CNTNAP3: variants seen among roughly 807,000 people sequenced by gnomAD.
CNTNAP3 encodes the protein contactin associated protein family member 3.
CNTNAP3 carries 36 observed loss-of-function variants against 92.1 expected under a neutral mutation model. That is an observed-to-expected ratio of 0.39 (90% CI 0.30 to 0.52). The LOEUF (loss-of-function observed/expected upper bound fraction) is 0.52. Ranked by LOEUF, CNTNAP3 falls within the 20% of genes least tolerant of loss-of-function variation. The pLI, the probability that CNTNAP3 is intolerant of heterozygous loss-of-function variation, is 0.76. For missense variants in CNTNAP3, 534 were observed against 1,069.6 expected (o/e 0.50, Z 6.98); for synonymous variants, 232 against 422.3 (o/e 0.55, Z 5.53).
intron 11 of CNTNAP3, among the ~76,000 whole-genome samples, chr9:39,142,845 G>C (rs1239756210): frequency 6.6e-6 from 1 of 152,094 alleles, no homozygotes; most frequent in African/African-American, 2.4e-5. Context: ...TTCCATGTAT[G>C]AACTGTGGTT....
intron 3 of CNTNAP3, among the ~76,000 whole-genome samples, chr9:39,214,100 A>G (rs1822630958): frequency 1.5e-5 from 1 of 65,470 alleles, no homozygotes; most frequent in African/African-American, 3.1e-5. Context: ...ATTAATAAGG[A>G]CATTAAGGAA....
intron 9 of CNTNAP3, among the ~76,000 whole-genome samples, chr9:39,151,276 T>C (rs1821836217): frequency 6.9e-6 from 1 of 144,896 alleles, no homozygotes; most frequent in Non-Finnish European, 1.5e-5. Flanking sequence ...AAAGCAGGGC[T>C]GGGCGCGGTG....
Position 39,137,886 on chromosome 9 carries a change from G to A in CNTNAP3, c.1876+2633C>T, listed in dbSNP as rs569291841. Among the ~76,000 whole-genome samples the A allele has an allele frequency of 6.8e-4, 104 of 151,926 alleles. 1 individual carries two copies. The highest frequency in any genetic ancestry group is 2.5e-3 in the African/African-American group (103 of 41,442). ...TTCTTTTTCTTTTTTTGGAGACAAG[G>A]TCTTTCTCTGTTGCCCAGGCTAGAG... On this transcript the variant is annotated intron_variant, in intron 12 of 23. Transcript: ENST00000297668.
intron 18 of CNTNAP3, 131 bp from the exon 19 acceptor site, chr9:39,088,778 G>A: frequency 1.1e-6 from 1 of 951,752 alleles, no homozygotes; most frequent in South Asian, 1.6e-5. Flanking sequence ...ATCCTTTCCT[G>A]TTTTTTTATT....
At chr9:39,148,467 A>G (rs1337709250) in intron 10 of CNTNAP3, among the ~76,000 whole-genome samples, 2 of 152,020 alleles carry the variant, frequency 1.3e-5, no homozygotes, top group African/African-American at 4.8e-5. Context: ...AGAATTGACT[A>G]ACTGAATTTA....
chr9:39,071,570 T>C lies in CNTNAP3; in HGVS notation c.*2320A>G, dbSNP rs1012327996. 2.0e-5 allele frequency among the ~76,000 whole-genome samples: 3 copies of C among 152,086 alleles called. No homozygotes were observed. The highest frequency in any genetic ancestry group is 4.4e-5 in the Non-Finnish European group (3 of 67,970). ...AAAAGTTGGGAAATTATTATGCTTTTACTTTTATGTTACAAAAGGGTGTTA... is the reference window on the plus strand; with the variant it reads ...AAAAGTTGGGAAATTATTATGCTTTCACTTTTATGTTACAAAAGGGTGTTA... On this transcript the variant is annotated 3_prime_UTR_variant, in exon 24 of 24. Coordinates refer to ENST00000297668, the MANE Select transcript of CNTNAP3 (RefSeq NM_033655.5).
chr9:39,179,286 T>TACACACACAC (rs4057871), intron 4 of CNTNAP3, among the ~76,000 whole-genome samples: 2,820 of 80,700 alleles, frequency 0.035, 158 homozygotes, highest in Middle Eastern at 0.062. Context: ...TCTCTCTCTC[T>TACACACACAC]ACACACACAC....
At chr9:39,136,560 T>G (rs1440025567) in intron 12 of CNTNAP3, among the ~76,000 whole-genome samples, 1 of 152,166 alleles carries the variant, frequency 6.6e-6, no homozygotes, top group Non-Finnish European at 1.5e-5. Context: ...AATACTTATC[T>G]CCTATGTAGG....
At chr9:39,088,788 T>C in intron 18 of CNTNAP3, 141 bp from the exon 19 acceptor site, 1 of 932,988 alleles carries the variant, frequency 1.1e-6, no homozygotes, top group Non-Finnish European at 1.6e-6. Flanking sequence ...GTTTTTTTAT[T>C]TTTCACTTTT....
At chr9:39,118,438 GT>G (rs1820914321) in intron 13 of CNTNAP3, among the ~76,000 whole-genome samples, 179 bp from the exon 14 acceptor site, 1 of 152,026 alleles carries the variant, frequency 6.6e-6, no homozygotes, top group Non-Finnish European at 1.5e-5. Flanking sequence ...CCTAACCAAT[GT>G]TTTTCCCCCA....
chr9:39,091,204 A>G (rs1396893581), intron 18 of CNTNAP3, among the ~76,000 whole-genome samples: 1 of 147,650 alleles, frequency 6.8e-6, no homozygotes, highest in Non-Finnish European at 1.5e-5. Flanking sequence ...TTGCCTAATC[A>G]GTCTGGCCTG....
chr9:39,068,877 T>C lies in CNTNAP3; in HGVS notation c.*5013A>G, dbSNP rs1364993697. ...ATTCCGTGCCTCATGTCCAGTGTAC[T>C]GAAAACCATAGTTTCATATATTTTG... On this transcript the variant is annotated 3_prime_UTR_variant, in exon 24 of 24. Transcript: ENST00000297668. Among the ~76,000 whole-genome samples the C allele has an allele frequency of 6.6e-6, 1 of 152,270 alleles. No individual in the cohort carries two copies.
chr9:39,206,601 C>CTCCTGAGGACAACCGACTCAGA (rs1473639297), intron 3 of CNTNAP3, among the ~76,000 whole-genome samples: 2 of 26,158 alleles, frequency 7.6e-5, no homozygotes, highest in Non-Finnish European at 2.1e-4. Context: ...AGACTTTACA[C>CTCCTGAGGACAACCGACTCAGA]GACTCCTGAG....
intron 10 of CNTNAP3, among the ~76,000 whole-genome samples, chr9:39,149,356 G>GT (rs776205980): frequency 0.025 from 3,696 of 145,462 alleles, 57 homozygotes; most frequent in East Asian, 0.11. Context: ...TTTTGTTTTT[G>GT]TTTTTTTTTT....
chr9:39,148,223 T>C (rs369587811), intron 10 of CNTNAP3, among the ~76,000 whole-genome samples: 14 of 152,112 alleles, frequency 9.2e-5, no homozygotes, highest in African/African-American at 2.9e-4. Context: ...GAATGAGAGG[T>C]ACTTGACAAA....
At chr9:39,106,002 C>T (rs373447670) in intron 15 of CNTNAP3, among the ~76,000 whole-genome samples, 19 of 152,100 alleles carry the variant, frequency 1.2e-4, no homozygotes, top group Middle Eastern at 3.2e-3. Flanking sequence ...CTCCTTCCCA[C>T]ATGTATAACT....
chr9:39,134,227 G>A (rs1431274660), intron 12 of CNTNAP3, among the ~76,000 whole-genome samples: 1 of 151,858 alleles, frequency 6.6e-6, no homozygotes, highest in Non-Finnish European at 1.5e-5. Context: ...CCATGGAGAG[G>A]AAAGGTGTGA....
chr9:39,113,670 T>C (rs2117934465), intron 14 of CNTNAP3, among the ~76,000 whole-genome samples: 2 of 152,200 alleles, frequency 1.3e-5, no homozygotes, highest in East Asian at 3.9e-4. Flanking sequence ...AATTATATAT[T>C]CATTATTGAT....
At chr9:39,113,467 T>TG in intron 14 of CNTNAP3, among the ~76,000 whole-genome samples, 1 of 152,224 alleles carries the variant, frequency 6.6e-6, no homozygotes, top group South Asian at 2.1e-4. Flanking sequence ...CAATACTGAC[T>TG]GACCATAAAT....
Sources: gnomAD v4.1 joint callset for allele counts (sites outside exome capture counted in the v4.1 genomes callset) on GRCh38, gnomAD v4.1.1 for gene constraint, MANE v1.5 for transcripts, NCBI Gene and HGNC (gene_info 2026-07-23, HGNC 2026-07-21) for gene names.